Variants in DOK5 observed in about 807,000 individuals in gnomAD.
DOK5 encodes docking protein 5, also known as downstream of tyrosine kinase 5.
DOK5 carries 27 observed loss-of-function variants against 43.3 expected under a neutral mutation model. The observed-to-expected ratio is 0.62, with a 90% CI of 0.46 to 0.86. The LOEUF (loss-of-function observed/expected upper bound fraction) is 0.86, where lower values mean the gene tolerates loss of function less well. DOK5 is among the 40% of genes least tolerant of loss of function. The pLI is 0.00. For missense variants in DOK5, 373 were observed against 392.9 expected (o/e 0.95, Z 0.43); for synonymous variants, 146 against 140.1 (o/e 1.04, Z -0.30).
intron 2 of DOK5, among the ~76,000 whole-genome samples, chr20:54,572,165 T>C (rs1345736296): frequency 2.1e-5 from 3 of 143,462 alleles, no homozygotes; most frequent in South Asian, 2.2e-4. Context: ...TGCAACATTC[T>C]TTTTTTTTTT....
intron 5 of DOK5, among the ~76,000 whole-genome samples, chr20:54,609,713 C>G (rs912722890): frequency 6.6e-6 from 1 of 152,194 alleles, no homozygotes; most frequent in Non-Finnish European, 1.5e-5. Context: ...TTTACCTTTA[C>G]CATCTGAGGT....
At chr20:54,605,001 CAA>C (rs71196456) in intron 5 of DOK5, among the ~76,000 whole-genome samples, 1,216 of 108,874 alleles carry the variant, frequency 0.011, 35 homozygotes, top group African/African-American at 0.052. Context: ...GACTGTGTCT[CAA>C]AAAAAAAAAA....
At chr20:54,613,817 G>T (rs1986724368) in intron 6 of DOK5, among the ~76,000 whole-genome samples, 1 of 151,978 alleles carries the variant, frequency 6.6e-6, no homozygotes, top group South Asian at 2.1e-4. Flanking sequence ...AAAATGGTAA[G>T]ATCTGGTCTC....
At chr20:54,551,593 T>C (rs13043041) in intron 1 of DOK5, among the ~76,000 whole-genome samples, 3,211 of 152,326 alleles carry the variant, frequency 0.021, 47 homozygotes, top group Non-Finnish European at 0.033. Flanking sequence ...TTTTAATGTT[T>C]AAGTCGACGA....
intron 1 of DOK5, among the ~76,000 whole-genome samples, chr20:54,534,100 T>C (rs1280147848): frequency 2.0e-5 from 3 of 152,248 alleles, no homozygotes; most frequent in Admixed American, 2.0e-4. Flanking sequence ...TGGATGGTGG[T>C]AAAGATTCGT....
intron 1 of DOK5, among the ~76,000 whole-genome samples, chr20:54,504,353 T>C (rs1279719409): frequency 2.6e-5 from 4 of 152,152 alleles, no homozygotes; most frequent in African/African-American, 9.7e-5. Context: ...TAACTAAAAA[T>C]AAATACAATG....
chr20:54,507,900 G>C (rs1982868384), intron 1 of DOK5, among the ~76,000 whole-genome samples: 1 of 152,182 alleles, frequency 6.6e-6, no homozygotes, highest in South Asian at 2.1e-4. Flanking sequence ...GAGGAGAGTG[G>C]ATGCATTCTA....
At chr20:54,522,989 G>A (rs757985805) in intron 1 of DOK5, among the ~76,000 whole-genome samples, 39 of 152,070 alleles carry the variant, frequency 2.6e-4, no homozygotes, top group Non-Finnish European at 5.6e-4. Flanking sequence ...AAATACCTTG[G>A]CAAATGTAAT....
intron 6 of DOK5, among the ~76,000 whole-genome samples, chr20:54,615,553 T>A (rs1986781925): frequency 2.0e-5 from 3 of 152,080 alleles, no homozygotes; most frequent in Admixed American, 2.0e-4. Context: ...GCCACGCAGC[T>A]GGCTTTGAAG....
intron 2 of DOK5, among the ~76,000 whole-genome samples, chr20:54,559,571 A>G (rs896989640): frequency 2.6e-5 from 4 of 152,248 alleles, no homozygotes; most frequent in Non-Finnish European, 4.4e-5. Context: ...GAAATTGGCA[A>G]CTGCAACGTT....
chr20:54,639,509 G>A (rs1979003709), intron 6 of DOK5, among the ~76,000 whole-genome samples: 2 of 152,138 alleles, frequency 1.3e-5, no homozygotes, highest in Admixed American at 1.3e-4. Flanking sequence ...GTGAATGGGA[G>A]GTTTTTCAAG....
intron 2 of DOK5, among the ~76,000 whole-genome samples, chr20:54,567,643 C>G (rs1985141737): frequency 6.6e-6 from 1 of 151,948 alleles, no homozygotes. Flanking sequence ...TTCTCTTTTT[C>G]AAAGTTATTT....
chr20:54,583,340 A>G (rs570363398), intron 2 of DOK5, among the ~76,000 whole-genome samples: 96 of 152,158 alleles, frequency 6.3e-4, no homozygotes, highest in Non-Finnish European at 1.2e-3. Context: ...TCCTATGTGC[A>G]CTTAATAAGA....
intron 2 of DOK5, among the ~76,000 whole-genome samples, chr20:54,578,148 A>G (rs1219276030): frequency 6.6e-6 from 1 of 152,172 alleles, no homozygotes; most frequent in Non-Finnish European, 1.5e-5. Flanking sequence ...CCCAAAGTTC[A>G]TTATCTTTTA....
intron 1 of DOK5, among the ~76,000 whole-genome samples, chr20:54,546,881 C>T (rs529567734): frequency 1.3e-5 from 2 of 152,210 alleles, no homozygotes; most frequent in East Asian, 3.9e-4. Flanking sequence ...GGAGACCAGA[C>T]ATTTGGTGGA....
chr20:54,642,730 AC>A (rs1280347771), intron 6 of DOK5, among the ~76,000 whole-genome samples: 1 of 152,110 alleles, frequency 6.6e-6, no homozygotes, highest in East Asian at 1.9e-4. Context: ...CTGAAAAAAA[AC>A]AAAAACAAAA....
At chr20:54,594,290 A>T (rs932181682) in intron 5 of DOK5, among the ~76,000 whole-genome samples, 5 of 152,152 alleles carry the variant, frequency 3.3e-5, no homozygotes, top group Non-Finnish European at 7.4e-5. Context: ...TACTCCAGAG[A>T]CTGAGGTGGG....
chr20:54,555,024 T>A lies in DOK5; in HGVS notation c.158T>A (p.Phe53Tyr), dbSNP rs1984662362. The change falls in exon 2 of 8, where the codon TTC (phenylalanine) becomes TAC (tyrosine). Residue 53 changes from phenylalanine to tyrosine, a missense_variant. Transcript: ENST00000262593. ...TTTTCTGATGAACGTGCTGCATATTTCAGGTGTTATCATAAGGTAAGACTC... is the reference window on the plus strand; with the variant it reads ...TTTTCTGATGAACGTGCTGCATATTACAGGTGTTATCATAAGGTAAGACTC... ...EKFSDERAAY[F>Y]RCYHKVTELN... The A allele has an allele frequency of 1.2e-6, 2 of 1,611,896 alleles. No homozygotes were observed. The highest frequency in any genetic ancestry group is 1.7e-6 in the Non-Finnish European group (2 of 1,178,092).
chr20:54,572,097 GT>G (rs1322741741), intron 2 of DOK5, among the ~76,000 whole-genome samples: 1 of 151,510 alleles, frequency 6.6e-6, no homozygotes, highest in Non-Finnish European at 1.5e-5. Context: ...AATTTTCTGT[GT>G]TTGAATTACT....
Sources: allele counts gnomAD v4.1 joint callset (sites outside exome capture counted in the v4.1 genomes callset), GRCh38; gene constraint gnomAD v4.1.1; transcripts MANE v1.5; gene names NCBI Gene and HGNC (gene_info 2026-07-23, HGNC 2026-07-21).